The following ITIH6 variants were observed in gnomAD, a reference collection of about 807,000 sequenced individuals.
ITIH6 encodes the protein inter-alpha-trypsin inhibitor heavy chain family member 6.
Under a neutral mutation model 58.2 loss-of-function variants are expected in ITIH6, and 60 were observed. The observed-to-expected ratio is 1.03, with a 90% CI of 0.84 to 1.28. The LOEUF (loss-of-function observed/expected upper bound fraction) is 1.28. Among genes scored for constraint, ITIH6 ranks in the 50% most tolerant of loss-of-function variants. The pLI, the probability that ITIH6 is intolerant of heterozygous loss-of-function variation, is 0.00. For synonymous variants in ITIH6, 493 were observed against 417.4 expected, an observed-to-expected ratio of 1.18 and a Z score of -2.21; for missense variants, 1,290 against 1,021.1, an observed-to-expected ratio of 1.26 and a Z score of -3.59.
At chrX:54,781,525 A>C (rs1929147206) in intron 5 of ITIH6, among the ~76,000 whole-genome samples, 1 of 112,463 alleles carries the variant, frequency 8.9e-6, no homozygotes, top group Admixed American at 9.4e-5. Flanking sequence ...TCAAAACCAC[A>C]ATGAGACACC....
chrX:54,750,032 C>A lies in ITIH6; in HGVS notation c.3805G>T (p.Asp1269Tyr). The change falls in exon 13 of 13, where the codon GAT (aspartate) becomes TAT (tyrosine). Residue 1269 changes from aspartate (D) to tyrosine (Y), a missense_variant. By Grantham distance (160) the Asp-to-Tyr change is radical. Transcript: ENST00000218436. ...CTCTTGCCTAGAATCACAGGCACAT[C>A]TGGGCCATGGTGCCTTCGTAAGCAT... ...GPCLRRHHGP[D>Y]VPVILGKRLL... 8.3e-7 allele frequency: 1 copy of A among 1,211,318 alleles called. No individual in the cohort carries two copies.
chrX:54,771,090 A>G (rs1928939199), intron 6 of ITIH6, among the ~76,000 whole-genome samples: 1 of 111,704 alleles, frequency 9.0e-6, no homozygotes, highest in Non-Finnish European at 1.9e-5. Context: ...TTGCTCCTCT[A>G]TAGGTAAGGT....
intron 6 of ITIH6, 100 bp downstream of exon 6, chrX:54,773,981 T>A: frequency 2.2e-6 from 1 of 458,926 alleles, no homozygotes; most frequent in Non-Finnish European, 3.7e-6. Flanking sequence ...GGTCATGGGA[T>A]GGTGGAATCT....
At chrX:54,796,549 T>G (rs1032692869) in intron 2 of ITIH6, among the ~76,000 whole-genome samples, 77 of 110,027 alleles carry the variant, frequency 7.0e-4, no homozygotes, top group African/African-American at 2.6e-3. Context: ...CCGGGTGTGG[T>G]GGCATGCGCC....
In ITIH6 at chrX:54,750,919, T is replaced by G. The variant is rs965679713; in HGVS notation, c.3730+84A>C. On this transcript the variant is annotated intron_variant, in intron 12 of 12. Coordinates refer to ENST00000218436, the MANE Select transcript of ITIH6 (RefSeq NM_198510.3). ...TCTGTTGCTGATTCCTCTTCCTTGTTGGGGATATACATGCCTTTCACCCTG... is the reference window on the plus strand; with the variant it reads ...TCTGTTGCTGATTCCTCTTCCTTGTGGGGGATATACATGCCTTTCACCCTG... 26 of 966,668 alleles carry G rather than the reference T, an allele frequency of 2.7e-5. 1 individual carries two copies. In the African/African-American group the frequency reaches 4.0e-4, roughly 15 times the overall value. The allele number at this position is 966,668 out of a possible 1,213,427, so 79.7% of individuals were successfully genotyped here.
intron 5 of ITIH6, among the ~76,000 whole-genome samples, chrX:54,780,728 G>GT (rs748558612): frequency 1.6e-4 from 17 of 106,358 alleles, no homozygotes; most frequent in Middle Eastern, 4.7e-3. Flanking sequence ...AACAAAAAGA[G>GT]TTTTTTTTTT....
At chrX:54,752,146 A>G (rs1001530465) in intron 11 of ITIH6, among the ~76,000 whole-genome samples, 40 of 111,695 alleles carry the variant, frequency 3.6e-4, no homozygotes, top group African/African-American at 1.3e-3. Context: ...GAGTCTTCAA[A>G]AAGTTCATGG....
At chrX:54,774,496 G>A (rs1183430393) in intron 5 of ITIH6, among the ~76,000 whole-genome samples, 2 of 113,200 alleles carry the variant, frequency 1.8e-5, no homozygotes, top group African/African-American at 6.4e-5. Context: ...GTTCCTGTCT[G>A]TGAGAGAGTT....
chrX:54,769,669 G>T lies in ITIH6; in HGVS notation c.903+4412C>A, dbSNP rs1273360439. ...GGTGTCAGTGTGCCCCTGCTGGGGG[G>T]TGCCTCCCAGTTAGGCTGCTCGGGG... On this transcript the variant is annotated intron_variant, in intron 6 of 12. Coordinates refer to ENST00000218436, the MANE Select transcript of ITIH6 (RefSeq NM_198510.3). 5.3e-3 allele frequency among the ~76,000 whole-genome samples: 525 copies of T among 98,809 alleles called. 3 individuals are homozygous for T. The highest frequency in any genetic ancestry group is 0.019 in the African/African-American group (499 of 26,103). 85.8% of individuals were successfully genotyped at this position (98,809 alleles called of 115,157 possible).
chrX:54,770,018 A>G (rs1164736619), intron 6 of ITIH6, among the ~76,000 whole-genome samples: 1 of 111,080 alleles, frequency 9.0e-6, no homozygotes, highest in Admixed American at 9.4e-5. Flanking sequence ...CTGCTGTGCT[A>G]GCAATCAGCG....
intron 6 of ITIH6, among the ~76,000 whole-genome samples, chrX:54,765,578 C>T (rs1267516605): frequency 1.1e-4 from 12 of 105,585 alleles, no homozygotes; most frequent in African/African-American, 2.7e-4. Context: ...TGTAGGTAAG[C>T]GGCATTATTT....
At chrX:54,754,921 A>G in intron 9 of ITIH6, 96 bp downstream of exon 9, 1 of 633,785 alleles carries the variant, frequency 1.6e-6, no homozygotes, top group African/African-American at 2.2e-5. Context: ...AAACTAATAC[A>G]TTACTTCCCT....
chrX:54,791,832 A>C, intron 3 of ITIH6, 94 bp downstream of exon 3: 1 of 512,793 alleles, frequency 2.0e-6, no homozygotes, highest in Non-Finnish European at 3.5e-6. Flanking sequence ...CCCACTCTGC[A>C]GAGATGGAGA....
intron 6 of ITIH6, among the ~76,000 whole-genome samples, chrX:54,767,330 CA>C (rs1439097305): frequency 1.8e-5 from 2 of 108,381 alleles, no homozygotes; most frequent in Non-Finnish European, 3.8e-5. Context: ...TTGATCCTTT[CA>C]AAAAACCAGC....
rs775177838 is a variant in ITIH6, at chrX:54,787,349, C to CTCCT, written c.786+1130_786+1131insAGGA. The CTCCT allele has an allele frequency of 1.4e-3, 153 of 112,061 alleles. 2 individuals carry two copies. The highest frequency in any genetic ancestry group is 4.4e-3 in the African/African-American group (136 of 30,798). The allele number at this position is 112,061 out of a possible 1,213,427, so 9.2% of individuals were successfully genotyped here. A position where few individuals can be genotyped will look rare whatever the true frequency, so the allele number is the denominator to read the frequency against. The stretch of plus-strand genomic sequence containing the variant: ...ATCCAATTCATTTTTCCCATGCTTA[C>CTCCT]TTAAATTCCAACTCCTTTAGGATGA... On this transcript the variant is annotated intron_variant, in intron 5 of 12. Coordinates refer to ENST00000218436, the MANE Select transcript of ITIH6 (RefSeq NM_198510.3).
At chrX:54,759,950 A>C in intron 6 of ITIH6, 23 bp from the exon 7 acceptor site, 1 of 1,169,769 alleles carries the variant, frequency 8.5e-7, no homozygotes, top group Non-Finnish European at 1.2e-6. Context: ...GATGAAATGA[A>C]GAGAATGGGA....
At chrX:54,761,866 T>C (rs1928653359) in intron 6 of ITIH6, among the ~76,000 whole-genome samples, 2 of 111,868 alleles carry the variant, frequency 1.8e-5, no homozygotes, top group East Asian at 5.6e-4. Context: ...TGAAGTCAGG[T>C]AGTGTGATGC....
At chrX:54,766,798 T>G (rs1274337784) in intron 6 of ITIH6, among the ~76,000 whole-genome samples, 1 of 102,086 alleles carries the variant, frequency 9.8e-6, no homozygotes, top group African/African-American at 4.1e-5. Context: ...TGCCAGTATT[T>G]TATTGAGGAT....
At chrX:54,776,659 C>T (rs1929059173) in intron 5 of ITIH6, among the ~76,000 whole-genome samples, 1 of 110,942 alleles carries the variant, frequency 9.0e-6, no homozygotes, top group South Asian at 3.9e-4. Flanking sequence ...TTTCCAGGCC[C>T]TAACTCCCAA....
Sources: gnomAD v4.1 joint callset for allele counts (sites outside exome capture counted in the v4.1 genomes callset) on GRCh38, gnomAD v4.1.1 for gene constraint, MANE v1.5 for transcripts, NCBI Gene and HGNC (gene_info 2026-07-23, HGNC 2026-07-21) for gene names.